Variants in WAC observed in about 807,000 individuals in gnomAD.
WAC encodes WW domain containing adaptor with coiled-coil.
Under a neutral mutation model 79.6 loss-of-function variants are expected in WAC, and 11 were observed. That is an observed-to-expected ratio of 0.14 (90% CI 0.09 to 0.23). The LOEUF is 0.23. Ranked by LOEUF, WAC falls within the 10% of genes least tolerant of loss-of-function variation. The pLI, the probability that WAC is intolerant of heterozygous loss-of-function variation, is 1.00. For missense variants in WAC, 728 were observed against 773.5 expected, an observed-to-expected ratio of 0.94 and a Z score of 0.70; for synonymous variants, 304 against 276.9, an observed-to-expected ratio of 1.10 and a Z score of -0.97.
At position 28,620,769 on chromosome 10, in the gene WAC, A is replaced by G. The variant is rs781703023; in HGVS notation, c.*1163A>G. On this transcript the variant is annotated 3_prime_UTR_variant, in exon 14 of 14. Coordinates refer to ENST00000354911, the MANE Select transcript of WAC (RefSeq NM_016628.5). ...TTCCCAAGTGGTTGTCATTTGTTAAACCCTGGTTTACCTGTCTTGCTATTA... is the reference window on the plus strand; with the variant it reads ...TTCCCAAGTGGTTGTCATTTGTTAAGCCCTGGTTTACCTGTCTTGCTATTA... 1 of 152,154 alleles carries G rather than the reference A, an allele frequency of 6.6e-6. No homozygotes were observed. The allele number at this position is 152,154 out of a possible 1,614,324, so 9.4% of individuals were successfully genotyped here. A position where few individuals can be genotyped will look rare whatever the true frequency, so the allele number is the denominator to read the frequency against.
At chr10:28,566,558 G>A (rs1838626301) in intron 3 of WAC, among the ~76,000 whole-genome samples, 1 of 152,132 alleles carries the variant, frequency 6.6e-6, no homozygotes, top group African/African-American at 2.4e-5. Context: ...GTATTCTGTA[G>A]TTTCCTCTCC....
intron 7 of WAC, among the ~76,000 whole-genome samples, chr10:28,599,576 G>T (rs1249792313): frequency 1.3e-5 from 2 of 152,154 alleles, no homozygotes; most frequent in Admixed American, 6.5e-5. Context: ...ACTGGTCATG[G>T]TTTTTAAAAA....
Position 28,610,834 on chromosome 10 carries a change from A to G in WAC, c.1288+13A>G, listed in dbSNP as rs1841202583. On this transcript the variant is annotated intron_variant, in intron 9 of 13. Coordinates refer to ENST00000354911, the MANE Select transcript of WAC (RefSeq NM_016628.5). Reference sequence around the variant, plus strand: ...CTCTCTACACAAGGTATTCTTACTCATCTTAGATATCTCTAGAATGGCATC... The same window carrying G: ...CTCTCTACACAAGGTATTCTTACTCGTCTTAGATATCTCTAGAATGGCATC... 1.3e-6 allele frequency: 2 copies of G among 1,582,158 alleles called. No individual in the cohort carries two copies. The highest frequency in any genetic ancestry group is 2.7e-5 in the African/African-American group (2 of 73,192).
At chr10:28,542,224 G>A (rs188172857) in intron 3 of WAC, among the ~76,000 whole-genome samples, 1 of 152,190 alleles carries the variant, frequency 6.6e-6, no homozygotes, top group East Asian at 1.9e-4. Flanking sequence ...GGCCTTCTCT[G>A]CCCTTGCTGA....
chr10:28,607,473 A>T (rs528196644), intron 7 of WAC, among the ~76,000 whole-genome samples: 3 of 151,480 alleles, frequency 2.0e-5, no homozygotes, highest in Non-Finnish European at 4.4e-5. Context: ...ACAGCTTTCA[A>T]ATAATTTTCC....
At chr10:28,589,393 G>A (rs1367299827) in intron 4 of WAC, 1 of 174,892 alleles carries the variant, frequency 5.7e-6, no homozygotes, top group Non-Finnish European at 1.2e-5. Context: ...CTAGTCGAGA[G>A]TGCATTCCCC....
chr10:28,533,653 G>A, intron 1 of WAC, 33 bp downstream of exon 1: 3 of 1,567,662 alleles, frequency 1.9e-6, no homozygotes, highest in Non-Finnish European at 2.6e-6. Context: ...GCCGGGCGGC[G>A]GCGGGGGGCG....
At chr10:28,556,388 A>ATTTTTTTTTTTTTTTTTTTTTTTTT (rs764934182) in intron 3 of WAC, among the ~76,000 whole-genome samples, 2 of 55,090 alleles carry the variant, frequency 3.6e-5, no homozygotes, top group African/African-American at 6.1e-5. Context: ...TGCCCATTAA[A>ATTTTTTTTTTTTTTTTTTTTTTTTT]TTTTTTTTTT....
chr10:28,570,538 A>G (rs1838890362), intron 3 of WAC, among the ~76,000 whole-genome samples: 1 of 152,214 alleles, frequency 6.6e-6, no homozygotes, highest in Non-Finnish European at 1.5e-5. Flanking sequence ...CTGTTGCAAT[A>G]GGAGCAGCTC....
At chr10:28,606,003 T>G (rs1263501271) in intron 7 of WAC, among the ~76,000 whole-genome samples, 1 of 152,022 alleles carries the variant, frequency 6.6e-6, no homozygotes. Context: ...ACTGCTAATA[T>G]GCTCTATAAT....
intron 3 of WAC, among the ~76,000 whole-genome samples, chr10:28,582,754 C>G (rs1033774182): frequency 1.1e-4 from 16 of 152,118 alleles, no homozygotes; most frequent in Admixed American, 6.5e-4. Flanking sequence ...AAACTTTTTT[C>G]TGTGGTCACT....
At chr10:28,541,419 TG>T (rs67609136) in intron 3 of WAC, among the ~76,000 whole-genome samples, 12,272 of 48,050 alleles carry the variant, frequency 0.26, 1,974 homozygotes, top group African/African-American at 0.38. Context: ...GTGTGTGTTT[TG>T]TTTTTTTTTT....
chr10:28,618,719 A>ATGGGAATC (rs1389686939), intron 13 of WAC, among the ~76,000 whole-genome samples: 1 of 152,204 alleles, frequency 6.6e-6, no homozygotes, highest in African/African-American at 2.4e-5. Context: ...TTTTACGTTC[A>ATGGGAATC]TGGGAATCTG....
intron 6 of WAC, among the ~76,000 whole-genome samples, chr10:28,594,771 G>A (rs922895542): frequency 1.1e-4 from 16 of 152,248 alleles, no homozygotes; most frequent in Middle Eastern, 3.4e-3. Flanking sequence ...TACATCACAT[G>A]CTTGGATTTT....
chr10:28,618,492 A>C (rs971165129), intron 13 of WAC, among the ~76,000 whole-genome samples: 1 of 152,234 alleles, frequency 6.6e-6, no homozygotes, highest in African/African-American at 2.4e-5. Flanking sequence ...TCTGAGTAAC[A>C]ACTTGGGTTC....
chr10:28,552,746 A>G (rs768821792), intron 3 of WAC, among the ~76,000 whole-genome samples: 13 of 152,168 alleles, frequency 8.5e-5, no homozygotes, highest in Middle Eastern at 3.4e-3. Flanking sequence ...CAAGAATTAA[A>G]ATGAGAAAAA....
chr10:28,552,252 G>A (rs933877211), intron 3 of WAC, among the ~76,000 whole-genome samples: 6 of 152,066 alleles, frequency 3.9e-5, no homozygotes, highest in Non-Finnish European at 8.8e-5. Context: ...ACTTTAAAAA[G>A]CACTAATTTT....
chr10:28,606,722 CAG>C (rs1339118107), intron 7 of WAC, among the ~76,000 whole-genome samples: 2 of 152,160 alleles, frequency 1.3e-5, no homozygotes, highest in Non-Finnish European at 1.5e-5. Context: ...TAAAAGCAAA[CAG>C]AGTGCTGTTG....
At chr10:28,593,256 A>G (rs967090529) in intron 6 of WAC, among the ~76,000 whole-genome samples, 2 of 152,188 alleles carry the variant, frequency 1.3e-5, no homozygotes, top group African/African-American at 4.8e-5. Context: ...AGTCTATCCA[A>G]AACATATTGG....
Sources: gnomAD v4.1 joint callset for allele counts (sites outside exome capture counted in the v4.1 genomes callset) on GRCh38, gnomAD v4.1.1 for gene constraint, MANE v1.5 for transcripts, NCBI Gene and HGNC (gene_info 2026-07-23, HGNC 2026-07-21) for gene names.